Variants in RADIL observed in about 807,000 individuals in gnomAD.
The protein encoded by RADIL is ras-associating and dilute domain-containing protein.
RADIL carries 99 observed loss-of-function variants against 97.6 expected under a neutral mutation model. The ratio of observed to expected loss-of-function variants is 1.01; its 90% CI spans 0.86 to 1.20. RADIL has a LOEUF of 1.20. Ranked by LOEUF, RADIL falls within the 50% of genes most tolerant of loss-of-function variation. The probability of loss-of-function intolerance (pLI) is 0.00; values close to 1 mark genes in which losing one functional copy is unlikely to be tolerated. For missense variants in RADIL, 1,765 were observed against 1,498.9 expected (o/e 1.18, Z -2.93); for synonymous variants, 803 against 691.8 (o/e 1.16, Z -2.52).
At position 4,815,768 on chromosome 7, in the gene RADIL, C is replaced by T. The variant is rs553247775; in HGVS notation, c.1967-318G>A. The stretch of plus-strand genomic sequence containing the variant: ...GCCGGGGGCCTGCCCCCACCTGGGT[C>T]TCCCCACGCCCCACAGTGGCCCTGG... On this transcript the variant is annotated intron_variant, in intron 8 of 14. Transcript: ENST00000399583. The surrounding 1 kb of genome is among the most constrained non-coding windows in gnomAD (Gnocchi z 8.0). Among the ~76,000 whole-genome samples, 4 of 152,252 alleles carry T rather than the reference C, an allele frequency of 2.6e-5. No individual in the cohort carries two copies. Among genetic ancestry groups the T allele is most frequent in the Non-Finnish European group, 5.9e-5 (4 of 68,002 alleles).
In RADIL at chr7:4,798,568, C is replaced by A. The variant is rs1781980403; in HGVS notation, c.*810G>T. 1.3e-5 allele frequency: 2 copies of A among 152,744 alleles called. No individual in the cohort carries two copies. The highest frequency in any genetic ancestry group is 1.9e-4 in the South Asian group (1 of 5,236). 9.5% of individuals were successfully genotyped at this position (152,744 alleles called of 1,614,324 possible). ...GAGGCAGCAAGTGCCCTGCCCTGGTCCTGCGCATGGTCAGCCAGCTGGTGG... is the reference window on the plus strand; with the variant it reads ...GAGGCAGCAAGTGCCCTGCCCTGGTACTGCGCATGGTCAGCCAGCTGGTGG... On this transcript the variant is annotated 3_prime_UTR_variant, in exon 15 of 15. Coordinates refer to ENST00000399583, the MANE Select transcript of RADIL (RefSeq NM_018059.5).
At chr7:4,810,302 C>T (rs1782503960) in intron 9 of RADIL, among the ~76,000 whole-genome samples, 1 of 151,962 alleles carries the variant, frequency 6.6e-6, no homozygotes, top group Non-Finnish European at 1.5e-5. Context: ...TGGGAATACA[C>T]ATCACCATGC....
At chr7:4,839,106 G>T (rs1783380195) in intron 2 of RADIL, among the ~76,000 whole-genome samples, 1 of 152,274 alleles carries the variant, frequency 6.6e-6, no homozygotes, top group Non-Finnish European at 1.5e-5. Flanking sequence ...GGGTGAAAGA[G>T]CAAGCTACAG....
At position 4,815,560 on chromosome 7, in the gene RADIL, C is replaced by A; in HGVS notation, c.1967-110G>T. 1 of 1,203,242 alleles carries A rather than the reference C, an allele frequency of 8.3e-7. No individual in the cohort carries two copies. Among genetic ancestry groups the A allele is most frequent in the South Asian group, 1.7e-5 (1 of 57,366 alleles). 74.5% of individuals were successfully genotyped at this position (1,203,242 alleles called of 1,614,324 possible). The stretch of plus-strand genomic sequence containing the variant: ...CCCGGCTCTGGGCCACTGAGGACAT[C>A]ACAGCTCGATGACAGGCAGGACACC... On this transcript the variant is annotated intron_variant, in intron 8 of 14. Coordinates refer to ENST00000399583, the MANE Select transcript of RADIL (RefSeq NM_018059.5). This position sits in a 1 kb window ranked among gnomAD's most constrained non-coding sequence, Gnocchi z 8.0.
intron 9 of RADIL, among the ~76,000 whole-genome samples, chr7:4,807,052 G>A (rs913661924): frequency 4.6e-5 from 7 of 152,074 alleles, no homozygotes; most frequent in South Asian, 2.1e-4. Context: ...TGCCTTCCCC[G>A]CGCCCTCCAC....
chr7:4,872,685 CA>C lies in RADIL; in HGVS notation c.535+4919del, dbSNP rs1458539415. 1.3e-5 allele frequency among the ~76,000 whole-genome samples: 2 copies of C among 152,176 alleles called. No homozygotes were observed. The highest frequency in any genetic ancestry group is 2.9e-5 in the Non-Finnish European group (2 of 68,028). ...CTCTAGGTCTTGTGACTCTGGAAAT[CA>C]GGGGGAACCTGGTGGCTATGAGAAG... On this transcript the variant is annotated intron_variant, in intron 2 of 14. Coordinates refer to ENST00000399583, the MANE Select transcript of RADIL (RefSeq NM_018059.5). The surrounding 1 kb of genome is among the most constrained non-coding windows in gnomAD (Gnocchi z 5.8).
In RADIL at chr7:4,880,331, C is replaced by G. The variant is rs1054308530; in HGVS notation, c.-64-2128G>C. On this transcript the variant is annotated intron_variant, in intron 1 of 14. Transcript: ENST00000399583. The surrounding 1 kb of genome is among the most constrained non-coding windows in gnomAD (Gnocchi z 4.5). ...TCCCCCACGGACTCATCAAAGGCCT[C>G]GGTTTCATTTACAACAAAAGCATTT... is the stretch of plus-strand genomic sequence containing the variant. Among the ~76,000 whole-genome samples, 1 of 152,290 alleles carries G rather than the reference C, an allele frequency of 6.6e-6. No homozygotes were observed. Among genetic ancestry groups the G allele is most frequent in the East Asian group, 1.9e-4 (1 of 5,180 alleles).
At position 4,815,494 on chromosome 7, in the gene RADIL, G is replaced by C. The variant is rs748969744; in HGVS notation, c.1967-44C>G. On this transcript the variant is annotated intron_variant, in intron 8 of 14. Coordinates refer to ENST00000399583, the MANE Select transcript of RADIL (RefSeq NM_018059.5). This position sits in a 1 kb window ranked among gnomAD's most constrained non-coding sequence, Gnocchi z 8.0. ...AGGGTGATGCCTGGGCTGCCCTCCT[G>C]GGGGGACACAGACATGGGCCTGTCC... is the stretch of plus-strand genomic sequence containing the variant. 24 of 1,451,096 alleles carry C rather than the reference G, an allele frequency of 1.7e-5. No homozygotes were observed. Among genetic ancestry groups the C allele is most frequent in the Middle Eastern group, 4.1e-4 (2 of 4,934 alleles). The allele number at this position is 1,451,096 out of a possible 1,614,324, so 89.9% of individuals were successfully genotyped here. A position where few individuals can be genotyped will look rare whatever the true frequency, so the allele number is the denominator to read the frequency against.
intron 2 of RADIL, among the ~76,000 whole-genome samples, chr7:4,846,756 G>A (rs1783585511): frequency 6.6e-6 from 1 of 150,730 alleles, no homozygotes; most frequent in Non-Finnish European, 1.5e-5. Flanking sequence ...ATGTTGGCCA[G>A]GCTGGCCTCA....
rs751370500 is a variant in RADIL at position 4,861,770 on chromosome 7, G to A, written c.535+15835C>T. On this transcript the variant is annotated intron_variant, in intron 2 of 14. Transcript: ENST00000399583. ...GCCGTAGCGATTCGGCGGCGGCGCC[G>A]GCTGCGGTGGTCCCTGGGTTGTCAC... 3.6e-5 allele frequency: 54 copies of A among 1,485,748 alleles called. No homozygotes were observed. The African/African-American group carries it at 3.7e-4, about 10-fold the overall frequency. 92.0% of individuals were successfully genotyped at this position (1,485,748 alleles called of 1,614,324 possible). A position where few individuals can be genotyped will look rare whatever the true frequency, so the allele number is the denominator to read the frequency against.
chr7:4,808,810 TGTCTCCTTCCGACGCCACTGCCCCTCCGC>T (rs1782435005), intron 9 of RADIL: 1 of 924,318 alleles, frequency 1.1e-6, no homozygotes, highest in African/African-American at 2.5e-5. Context: ...TGCCCCTCCG[TGTCTCCTTCCGACGCCACTGCCCCTCCGC>T]GTCTCCTTCC....
Position 4,814,764 on chromosome 7 carries a change from C to T in RADIL, c.2139+514G>A, listed in dbSNP as rs1782635382. On this transcript the variant is annotated intron_variant, in intron 9 of 14. Coordinates refer to ENST00000399583, the MANE Select transcript of RADIL (RefSeq NM_018059.5). This position sits in a 1 kb window ranked among gnomAD's most constrained non-coding sequence, Gnocchi z 4.5. ...GGGAGGATCTGTCTCCCTGCTCTTC[C>T]GGTTGCTGTCAGAATTCAGTTCCTG... is the stretch of plus-strand genomic sequence containing the variant. Among the ~76,000 whole-genome samples, 1 of 152,190 alleles carries T rather than the reference C, an allele frequency of 6.6e-6. No homozygotes were observed. The highest frequency in any genetic ancestry group is 2.1e-4 in the South Asian group (1 of 4,828).
chr7:4,860,186 G>A, intron 2 of RADIL: 1 of 1,613,996 alleles, frequency 6.2e-7, no homozygotes, highest in Non-Finnish European at 8.5e-7. Context: ...TGTCTTCATA[G>A]TGCTAGTAGA....
In RADIL at chr7:4,814,318, T is replaced by C. The variant is rs1024654229; in HGVS notation, c.2139+960A>G. On this transcript the variant is annotated intron_variant, in intron 9 of 14. Coordinates refer to ENST00000399583, the MANE Select transcript of RADIL (RefSeq NM_018059.5). The surrounding 1 kb of genome is among the most constrained non-coding windows in gnomAD (Gnocchi z 4.5). ...AATTTTCTACAGTCAATAAAAATGC[T>C]TCACTTTTTTTTTCTTTTGAGACAG... Among the ~76,000 whole-genome samples, 3 of 152,158 alleles carry C rather than the reference T, an allele frequency of 2.0e-5. No individual in the cohort carries two copies. Among genetic ancestry groups the C allele is most frequent in the Admixed American group, 1.3e-4 (2 of 15,270 alleles).
chr7:4,872,466 C>G lies in RADIL; in HGVS notation c.535+5139G>C, dbSNP rs369154920. Among the ~76,000 whole-genome samples, 43 of 152,268 alleles carry G rather than the reference C, an allele frequency of 2.8e-4. No individual in the cohort carries two copies. Among genetic ancestry groups the G allele is most frequent in the African/African-American group, 9.6e-4 (40 of 41,550 alleles). On this transcript the variant is annotated intron_variant, in intron 2 of 14. Coordinates refer to ENST00000399583, the MANE Select transcript of RADIL (RefSeq NM_018059.5). The surrounding 1 kb of genome is among the most constrained non-coding windows in gnomAD (Gnocchi z 5.8). ...CAAGCCTCCCCTCACCGTTCCCCAG[C>G]CCCTGACAAAAACCACATGGCCCTG... is the stretch of plus-strand genomic sequence containing the variant.
In RADIL at chr7:4,879,870, G is replaced by A. The variant is rs2115056381; in HGVS notation, c.-64-1667C>T. On this transcript the variant is annotated intron_variant, in intron 1 of 14. Coordinates refer to ENST00000399583, the MANE Select transcript of RADIL (RefSeq NM_018059.5). This position sits in a 1 kb window ranked among gnomAD's most constrained non-coding sequence, Gnocchi z 4.1. ...GAGCCTCTCACTGCCCGCCAGAGCT[G>A]TCATGGGTGAGTCCTGAAATCAGAC... Among the ~76,000 whole-genome samples, 1 of 152,310 alleles carries A rather than the reference G, an allele frequency of 6.6e-6. No individual in the cohort carries two copies. The highest frequency in any genetic ancestry group is 6.5e-5 in the Admixed American group (1 of 15,296).
Position 4,854,874 on chromosome 7 carries a change from T to C in RADIL, c.536-18269A>G, listed in dbSNP as rs77688946. Among the ~76,000 whole-genome samples, 45 of 152,228 alleles carry C rather than the reference T, an allele frequency of 3.0e-4. 1 individual carries two copies. In the East Asian group the frequency reaches 8.5e-3, roughly 29 times the overall value. On this transcript the variant is annotated intron_variant, in intron 2 of 14. Coordinates refer to ENST00000399583, the MANE Select transcript of RADIL (RefSeq NM_018059.5). The surrounding 1 kb of genome is among the most constrained non-coding windows in gnomAD (Gnocchi z 5.1). Reference sequence around the variant, plus strand: ...AGTCACATCAACCCTCCCAAGCACATCTTCCTGCCTGTCCCCACCTCTCAC... The same window carrying C: ...AGTCACATCAACCCTCCCAAGCACACCTTCCTGCCTGTCCCCACCTCTCAC...
chr7:4,800,926 C>A (rs958343246), intron 12 of RADIL, among the ~76,000 whole-genome samples: 7 of 152,234 alleles, frequency 4.6e-5, no homozygotes, highest in Admixed American at 1.3e-4. Context: ...TTCGCTCCTG[C>A]AAGGCACACC....
rs1045156965 is a variant in RADIL, at chr7:4,842,198, G to T, written c.536-5593C>A. On this transcript the variant is annotated intron_variant, in intron 2 of 14. Transcript: ENST00000399583. The surrounding 1 kb of genome is among the most constrained non-coding windows in gnomAD (Gnocchi z 4.5). Reference sequence around the variant, plus strand: ...ATAGAAGGAGTAGAAAGTGCAGGGCGCCGGGGCAATGGGGAAGATGGGGAT... The same window carrying T: ...ATAGAAGGAGTAGAAAGTGCAGGGCTCCGGGGCAATGGGGAAGATGGGGAT... Among the ~76,000 whole-genome samples the T allele has an allele frequency of 1.3e-5, 2 of 152,158 alleles. No homozygotes were observed. Among genetic ancestry groups the T allele is most frequent in the African/African-American group, 4.8e-5 (2 of 41,426 alleles).
Sources: allele counts gnomAD v4.1 joint callset (sites outside exome capture counted in the v4.1 genomes callset), GRCh38; gene constraint gnomAD v4.1.1; non-coding constraint Gnocchi (gnomAD v3.1); transcripts MANE v1.5; gene names NCBI Gene and HGNC (gene_info 2026-07-23, HGNC 2026-07-21).